ZNF385D: variants seen among roughly 807,000 people sequenced by gnomAD.
The protein encoded by ZNF385D is zinc finger protein 385D, also known as zinc finger protein 659.
Under a neutral mutation model 35.8 loss-of-function variants are expected in ZNF385D, and 15 were observed. That is an observed-to-expected ratio of 0.42 (90% confidence interval 0.28 to 0.64). ZNF385D has a LOEUF of 0.64. Ranked by LOEUF, ZNF385D falls within the 30% of genes least tolerant of loss-of-function variation. ZNF385D has a pLI of 0.23. For synonymous variants in ZNF385D, 212 were observed against 186.8 expected (o/e 1.13, Z -1.10); for missense variants, 474 against 494.6 (o/e 0.96, Z 0.39).
chr3:21,856,819 T>C (rs565991073), intron 3 of ZNF385D, among the ~76,000 whole-genome samples: 1 of 152,088 alleles, frequency 6.6e-6, no homozygotes, highest in African/African-American at 2.4e-5. Flanking sequence ...AACAAATAAA[T>C]GCAAGGCAAT....
chr3:21,938,912 T>A (rs1262204963), intron 3 of ZNF385D, among the ~76,000 whole-genome samples: 2 of 152,236 alleles, frequency 1.3e-5, no homozygotes, highest in Non-Finnish European at 2.9e-5. Flanking sequence ...AGTGTATTCT[T>A]CATTGTTTGA....
chr3:21,836,956 G>A (rs1436393049), intron 3 of ZNF385D, among the ~76,000 whole-genome samples: 1 of 151,894 alleles, frequency 6.6e-6, no homozygotes, highest in African/African-American at 2.4e-5. Flanking sequence ...ACCTCCATAT[G>A]TCACAATATG....
intron 3 of ZNF385D, among the ~76,000 whole-genome samples, chr3:22,016,156 G>A (rs763123964): frequency 1.3e-5 from 2 of 152,192 alleles, no homozygotes; most frequent in East Asian, 3.9e-4. Flanking sequence ...CTAGATCAGA[G>A]TTTCCCAACC....
chr3:21,858,681 ATAAAC>A (rs1696871607), intron 3 of ZNF385D, among the ~76,000 whole-genome samples: 1 of 152,160 alleles, frequency 6.6e-6, no homozygotes, highest in Non-Finnish European at 1.5e-5. Flanking sequence ...TTTGTCATAT[ATAAAC>A]TACTCAGTTT....
intron 3 of ZNF385D, among the ~76,000 whole-genome samples, chr3:21,818,993 G>A (rs551405737): frequency 6.6e-6 from 1 of 151,938 alleles, no homozygotes; most frequent in South Asian, 2.1e-4. Context: ...TAAAATTATG[G>A]TAGAAAACTG....
At chr3:22,334,683 C>A (rs1695087006) in intron 2 of ZNF385D, among the ~76,000 whole-genome samples, 1 of 152,070 alleles carries the variant, frequency 6.6e-6, no homozygotes, top group Admixed American at 6.5e-5. Flanking sequence ...TTTCAGATTT[C>A]ATTGTTTTTG....
intron 2 of ZNF385D, among the ~76,000 whole-genome samples, chr3:21,581,009 G>A (rs983150247): frequency 2.6e-5 from 4 of 151,788 alleles, no homozygotes; most frequent in East Asian, 3.9e-4. Context: ...ACTAATTTAC[G>A]TCCTTCCTCC....
chr3:21,833,483 A>T (rs558679267), intron 3 of ZNF385D, among the ~76,000 whole-genome samples: 1 of 152,186 alleles, frequency 6.6e-6, no homozygotes, highest in Non-Finnish European at 1.5e-5. Context: ...AATTGTCAAC[A>T]GTCATCAGAA....
intron 1 of ZNF385D, among the ~76,000 whole-genome samples, chr3:21,737,313 C>A (rs2069291663): frequency 6.6e-6 from 1 of 152,090 alleles, no homozygotes; most frequent in South Asian, 2.1e-4. Context: ...ATAGAAATAA[C>A]TTATTTTTTG....
intron 1 of ZNF385D, among the ~76,000 whole-genome samples, chr3:21,710,931 C>A (rs138859690): frequency 1.3e-5 from 2 of 151,920 alleles, no homozygotes; most frequent in South Asian, 4.2e-4. Context: ...CTTTTCTAAT[C>A]TAAATGCTCT....
intron 3 of ZNF385D, among the ~76,000 whole-genome samples, chr3:21,864,707 A>G (rs1186962429): frequency 6.6e-6 from 1 of 152,106 alleles, no homozygotes; most frequent in Non-Finnish European, 1.5e-5. Flanking sequence ...GTTTGCCTGA[A>G]GATAACTACA....
At chr3:21,941,687 C>T (rs938387116) in intron 3 of ZNF385D, among the ~76,000 whole-genome samples, 3 of 151,702 alleles carry the variant, frequency 2.0e-5, no homozygotes, top group South Asian at 2.1e-4. Flanking sequence ...TTAGTAGAGA[C>T]GGGGTTTCAC....
chr3:22,071,385 C>G (rs1402774744), intron 3 of ZNF385D, among the ~76,000 whole-genome samples: 1 of 151,986 alleles, frequency 6.6e-6, no homozygotes, highest in East Asian at 1.9e-4. Flanking sequence ...GAGATTTTTC[C>G]AGAAACCTGA....
intron 3 of ZNF385D, among the ~76,000 whole-genome samples, chr3:22,141,387 T>C (rs1184055375): frequency 1.3e-5 from 2 of 152,202 alleles, no homozygotes; most frequent in Non-Finnish European, 2.9e-5. Context: ...ATTTGAAATG[T>C]ACACTTTGAA....
At chr3:21,951,771 T>G (rs1272055812) in intron 3 of ZNF385D, among the ~76,000 whole-genome samples, 1 of 151,646 alleles carries the variant, frequency 6.6e-6, no homozygotes, top group African/African-American at 2.4e-5. Context: ...GTTCTATATA[T>G]ACAATGCATT....
intron 3 of ZNF385D, among the ~76,000 whole-genome samples, chr3:22,085,145 C>T (rs1196029012): frequency 6.6e-6 from 1 of 151,964 alleles, no homozygotes; most frequent in Non-Finnish European, 1.5e-5. Context: ...AATCGACACC[C>T]TAACATCACA....
chr3:22,009,327 T>A (rs1216775490), intron 3 of ZNF385D, among the ~76,000 whole-genome samples: 9 of 151,814 alleles, frequency 5.9e-5, no homozygotes, highest in Non-Finnish European at 8.8e-5. Flanking sequence ...TAAATATTTT[T>A]TAAAAAATAG....
intron 2 of ZNF385D, among the ~76,000 whole-genome samples, chr3:22,328,850 C>A (rs771250646): frequency 1.3e-5 from 2 of 151,472 alleles, no homozygotes; most frequent in African/African-American, 4.8e-5. Flanking sequence ...CCGAGGCGGG[C>A]GGATCACGAG....
intron 3 of ZNF385D, among the ~76,000 whole-genome samples, chr3:21,913,192 G>A (rs1700046871): frequency 6.6e-6 from 1 of 152,060 alleles, no homozygotes. Flanking sequence ...GTCACTAGGT[G>A]TGGGTTCAGT....
Sources: allele counts gnomAD v4.1 joint callset (sites outside exome capture counted in the v4.1 genomes callset), GRCh38; gene constraint gnomAD v4.1.1; transcripts MANE v1.5; gene names NCBI Gene and HGNC (gene_info 2026-07-23, HGNC 2026-07-21).